ESRRB: variants seen among roughly 807,000 people sequenced by gnomAD.
ESRRB encodes estrogen related receptor beta, also known as steroid hormone receptor ERR2.
Under a neutral mutation model 46.0 loss-of-function variants are expected in ESRRB, and 16 were observed. The ratio of observed to expected loss-of-function variants is 0.35; its 90% confidence interval spans 0.24 to 0.53. The LOEUF is 0.53. Among genes scored for constraint, ESRRB ranks in the 20% least tolerant of loss-of-function variants. The pLI is 0.93. For missense variants in ESRRB, 488 were observed against 607.4 expected (o/e 0.80, Z 2.07); for synonymous variants, 246 against 259.6 (o/e 0.95, Z 0.50).
intron 1 of ESRRB, among the ~76,000 whole-genome samples, chr14:76,414,753 C>T (rs909220381): frequency 2.0e-5 from 3 of 148,436 alleles, no homozygotes; most frequent in Admixed American, 1.3e-4. Flanking sequence ...AGGAGATACT[C>T]TGTAACCCTC....
chr14:76,498,757 GGAGGCCACTGGAGC>G lies in ESRRB; in HGVS notation c.*300_*313del, dbSNP rs1890539584. 5.1e-6 allele frequency: 4 copies of G among 786,732 alleles called. No homozygotes were observed. Among genetic ancestry groups the G allele is most frequent in the Non-Finnish European group, 8.5e-6 (4 of 469,616 alleles). The allele number at this position is 786,732 out of a possible 1,614,324, so 48.7% of individuals were successfully genotyped here. A position where few individuals can be genotyped will look rare whatever the true frequency, so the allele number is the denominator to read the frequency against. ...GCCAGGGCTGACTCCCTTCAGGAGTGGAGGCCACTGGAGCAAGTGCCCTCTCCCCTCCACCGAGC... is the reference window on the plus strand; with the variant it reads ...GCCAGGGCTGACTCCCTTCAGGAGTGAAGTGCCCTCTCCCCTCCACCGAGC... On this transcript the variant is annotated 3_prime_UTR_variant, in exon 7 of 7. Transcript: ENST00000644823.
chr14:76,384,191 C>T (rs1457656777), intron 1 of ESRRB, among the ~76,000 whole-genome samples: 1 of 152,120 alleles, frequency 6.6e-6, no homozygotes, highest in Non-Finnish European at 1.5e-5. Context: ...TCATTTGTCT[C>T]TTGGGTTTGT....
intron 1 of ESRRB, among the ~76,000 whole-genome samples, chr14:76,380,379 A>C (rs951697507): frequency 2.0e-5 from 3 of 152,200 alleles, no homozygotes; most frequent in African/African-American, 7.2e-5. Flanking sequence ...AAGAAACAGG[A>C]TGCTTTTGGC....
chr14:76,486,677 T>TC (rs1333023897), intron 5 of ESRRB, among the ~76,000 whole-genome samples: 1 of 152,090 alleles, frequency 6.6e-6, no homozygotes, highest in Non-Finnish European at 1.5e-5. Context: ...AAAACAATTT[T>TC]CCTGGGGCAG....
intron 1 of ESRRB, among the ~76,000 whole-genome samples, chr14:76,429,401 A>G (rs1417055190): frequency 6.6e-6 from 1 of 152,222 alleles, no homozygotes; most frequent in Non-Finnish European, 1.5e-5. Flanking sequence ...AAAGATACAC[A>G]TACCCAAGAT....
Position 76,469,926 on chromosome 14 carries a change from G to GTTTT in ESRRB, c.577+7267_577+7268insTTTT, listed in dbSNP as rs1356927268. Among the ~76,000 whole-genome samples the GTTTT allele has an allele frequency of 1.7e-3, 113 of 67,618 alleles. 2 individuals carry two copies. The highest frequency in any genetic ancestry group is 8.5e-3 in the Middle Eastern group (1 of 118). 44.4% of individuals were successfully genotyped at this position (67,618 alleles called of 152,430 possible). On this transcript the variant is annotated intron_variant, in intron 3 of 6. Transcript: ENST00000644823. ...AGGTAAAGACTAGGCTGTGTTTTTT[G>GTTTT]TTGTTTTTTTTTTTTTTCTTTTTTT... is the stretch of plus-strand genomic sequence containing the variant.
intron 1 of ESRRB, 87 bp from the exon 2 acceptor site, chr14:76,439,254 T>C (rs1345181622): frequency 6.7e-7 from 1 of 1,486,918 alleles, no homozygotes; most frequent in Non-Finnish European, 9.4e-7. Context: ...CATAGAGCCC[T>C]TCCCAGCCAC....
At chr14:76,338,015 G>T (rs1275138770) in intron 1 of ESRRB, among the ~76,000 whole-genome samples, 1 of 152,142 alleles carries the variant, frequency 6.6e-6, no homozygotes, top group Non-Finnish European at 1.5e-5. Context: ...CTGCCTCGGG[G>T]CCCCTCTTTC....
At chr14:76,444,456 T>C (rs1407634029) in intron 2 of ESRRB, among the ~76,000 whole-genome samples, 1 of 151,994 alleles carries the variant, frequency 6.6e-6, no homozygotes, top group African/African-American at 2.4e-5. Flanking sequence ...CAGTGAGCAT[T>C]CTTTGAGTCC....
At position 76,376,988 on chromosome 14, in the gene ESRRB, T is replaced by C. The variant is rs1884793948; in HGVS notation, c.50+537T>C. Reference sequence around the variant, plus strand: ...TGCCGCTCTCGCCTCGCGGTCTCCGTGGGGCGCCCCGAGGGTGCGCACGTG... The same window carrying C: ...TGCCGCTCTCGCCTCGCGGTCTCCGCGGGGCGCCCCGAGGGTGCGCACGTG... On this transcript the variant is annotated intron_variant, in intron 1 of 6. Transcript: ENST00000644823. This position sits in a 1 kb window ranked among gnomAD's most constrained non-coding sequence, Gnocchi z 4.1. Among the ~76,000 whole-genome samples, 1 of 152,114 alleles carries C rather than the reference T, an allele frequency of 6.6e-6. No homozygotes were observed. The highest frequency in any genetic ancestry group is 1.5e-5 in the Non-Finnish European group (1 of 68,000).
chr14:76,388,923 A>G (rs1222867228), intron 1 of ESRRB, among the ~76,000 whole-genome samples: 2 of 152,082 alleles, frequency 1.3e-5, no homozygotes, highest in Non-Finnish European at 2.9e-5. Flanking sequence ...TCAGTGCCCT[A>G]CCTTGGTGCC....
chr14:76,374,010 C>T (rs1029115273), upstream of ESRRB, among the ~76,000 whole-genome samples: 1 of 152,166 alleles, frequency 6.6e-6, no homozygotes, highest in Non-Finnish European at 1.5e-5. Context: ...CAGTTAAAAA[C>T]GGTGCACCCA....
chr14:76,326,617 G>A (rs1285490469), intron 1 of ESRRB, among the ~76,000 whole-genome samples: 10 of 152,150 alleles, frequency 6.6e-5, no homozygotes, highest in South Asian at 2.1e-4. Context: ...GAAGAGTGTT[G>A]GTGGTAACAA....
intron 3 of ESRRB, chr14:76,463,493 C>T (rs536144967): frequency 2.0e-4 from 27 of 134,014 alleles, no homozygotes; most frequent in African/African-American, 8.2e-4. Context: ...GTCACCCAGG[C>T]TGGAGTGCAG....
At chr14:76,378,245 G>T (rs1014583101) in intron 1 of ESRRB, among the ~76,000 whole-genome samples, 4 of 152,178 alleles carry the variant, frequency 2.6e-5, no homozygotes, top group African/African-American at 9.7e-5. Flanking sequence ...TTCGTATGAA[G>T]GAAGTACATT....
At chr14:76,480,720 CTG>C (rs559091684) in intron 3 of ESRRB, among the ~76,000 whole-genome samples, 2 of 152,322 alleles carry the variant, frequency 1.3e-5, no homozygotes, top group South Asian at 4.1e-4. Flanking sequence ...AAGGAAGATT[CTG>C]TTTCTTCTGC....
chr14:76,451,832 T>C (rs999565537), intron 2 of ESRRB, among the ~76,000 whole-genome samples: 3 of 148,914 alleles, frequency 2.0e-5, no homozygotes, highest in African/African-American at 5.0e-5. Context: ...AGGGTTTCAC[T>C]GTGTTGGCCA....
intron 1 of ESRRB, chr14:76,404,549 G>A (rs546594933): frequency 6.5e-6 from 1 of 152,864 alleles, no homozygotes; most frequent in East Asian, 1.9e-4. Flanking sequence ...CTTCAGCAGA[G>A]CCCCTTGGGA....
At chr14:76,408,012 G>A (rs951243255) in intron 1 of ESRRB, among the ~76,000 whole-genome samples, 9 of 152,136 alleles carry the variant, frequency 5.9e-5, no homozygotes, top group African/African-American at 1.7e-4. Context: ...GGTCACATAG[G>A]CACTGGCCAG....
Sources: gnomAD v4.1 joint callset for allele counts (sites outside exome capture counted in the v4.1 genomes callset) on GRCh38, gnomAD v4.1.1 for gene constraint, Gnocchi (gnomAD v3.1) non-coding constraint, MANE v1.5 for transcripts, NCBI Gene and HGNC (gene_info 2026-07-23, HGNC 2026-07-21) for gene names.